Variants in DERPC observed in about 807,000 individuals in gnomAD.
DERPC encodes decreased expression in renal and prostate cancer protein.
Under a neutral mutation model 7.2 loss-of-function variants are expected in DERPC, and 1 was observed. The ratio of observed to expected loss-of-function variants is 0.14; its 90% CI spans 0.05 to 0.66. DERPC has a LOEUF of 0.66. Among genes scored for constraint, DERPC ranks in the 30% least tolerant of loss-of-function variants. DERPC has a pLI of 0.84. For missense variants in DERPC, 502 were observed against 299.4 expected, an observed-to-expected ratio of 1.68 and a Z score of -4.99; for synonymous variants, 185 against 117.6, an observed-to-expected ratio of 1.57 and a Z score of -3.71.
rs564301895 is a variant in DERPC at position 69,130,219 on chromosome 16, T to A, written c.-280+2265A>T. Among the ~76,000 whole-genome samples the A allele has an allele frequency of 1.2e-3, 188 of 152,308 alleles. 1 individual carries two copies. The highest frequency in any genetic ancestry group is 6.8e-3 in the Middle Eastern group (2 of 294). On this transcript the variant is annotated intron_variant, in intron 1 of 2. Coordinates refer to ENST00000519520, the MANE Select transcript of DERPC (RefSeq NM_001002847.4). ...TATGTATCCAATTAAACCGAACATA[T>A]GGCTTATAGCAAAAAAGAGGCTTTG...
chr16:69,129,623 G>A (rs1330623908), intron 1 of DERPC, among the ~76,000 whole-genome samples: 1 of 152,158 alleles, frequency 6.6e-6, no homozygotes, highest in Non-Finnish European at 1.5e-5. Flanking sequence ...GCTTAGAGGA[G>A]CTAAATGTTA....
intron 1 of DERPC, 69 bp downstream of exon 1, chr16:69,132,415 C>T: frequency 6.0e-6 from 1 of 167,742 alleles, no homozygotes. Context: ...CTCCCTCGCG[C>T]CCTCGCCCCC....
chr16:69,126,521 G>A (rs1481455878), intron 1 of DERPC, among the ~76,000 whole-genome samples: 1 of 152,146 alleles, frequency 6.6e-6, no homozygotes, highest in African/African-American at 2.4e-5. Context: ...AAATAGTTCT[G>A]TGGCCCACAG....
intron 1 of DERPC, chr16:69,132,008 G>C (rs1422327465): frequency 6.5e-6 from 1 of 152,774 alleles, no homozygotes; most frequent in South Asian, 2.1e-4. Flanking sequence ...TACTTCCTAG[G>C]TTCCAGTTCT....
chr16:69,126,246 A>C (rs1332791143), intron 1 of DERPC, among the ~76,000 whole-genome samples: 1 of 152,200 alleles, frequency 6.6e-6, no homozygotes, highest in Non-Finnish European at 1.5e-5. Context: ...GACAACCAAA[A>C]TCAATCGTTA....
Position 69,120,168 on chromosome 16 carries a change from C to T in DERPC, c.261G>A (p.Pro87=), listed in dbSNP as rs764735519. The T allele has an allele frequency of 1.3e-5, 9 of 701,502 alleles. No homozygotes were observed. The highest frequency in any genetic ancestry group is 8.9e-5 in the South Asian group (6 of 67,510). 43.5% of individuals were successfully genotyped at this position (701,502 alleles called of 1,614,324 possible). A position where few individuals can be genotyped will look rare whatever the true frequency, so the allele number is the denominator to read the frequency against. Residue 87 remains proline, a synonymous_variant, in exon 3 of 3, where the codon CCG becomes CCA. Coordinates refer to ENST00000519520, the MANE Select transcript of DERPC (RefSeq NM_001002847.4). The surrounding 1 kb of genome is among the most constrained non-coding windows in gnomAD (Gnocchi z 4.0). ...GSLASNPAPF[P]AGARDPSMAS... ...CCATACTTGGGTCACGAGCACCAGC[C>T]GGGAAAGGTGCTGGATTTGAAGCCA...
At chr16:69,125,806 TA>T (rs1289856957) in intron 1 of DERPC, among the ~76,000 whole-genome samples, 1 of 152,240 alleles carries the variant, frequency 6.6e-6, no homozygotes, top group Non-Finnish European at 1.5e-5. Flanking sequence ...CTCCTGCCTG[TA>T]AGTGTGGACC....
chr16:69,129,465 G>C (rs1962338851), intron 1 of DERPC, among the ~76,000 whole-genome samples: 1 of 147,188 alleles, frequency 6.8e-6, no homozygotes, highest in Admixed American at 6.8e-5. Context: ...GAAAAGTAAA[G>C]TCCAGGCAGA....
Position 69,120,681 on chromosome 16 carries a change from T to A in DERPC, c.-221-32A>T. 6.3e-7 allele frequency: 1 copy of A among 1,582,840 alleles called. No homozygotes were observed. The highest frequency in any genetic ancestry group is 1.3e-5 in the African/African-American group (1 of 74,314). ...CAGAACAAGAACGAGATTCCTGAGGTTCCGGGGCAAGGCCATAACACTCAG... is the reference window on the plus strand; with the variant it reads ...CAGAACAAGAACGAGATTCCTGAGGATCCGGGGCAAGGCCATAACACTCAG... On this transcript the variant is annotated intron_variant, in intron 2 of 2. Coordinates refer to ENST00000519520, the MANE Select transcript of DERPC (RefSeq NM_001002847.4). The surrounding 1 kb of genome is among the most constrained non-coding windows in gnomAD (Gnocchi z 4.0).
chr16:69,127,660 A>T (rs1962171199), intron 1 of DERPC, among the ~76,000 whole-genome samples: 1 of 127,568 alleles, frequency 7.8e-6, no homozygotes, highest in Admixed American at 9.9e-5. Flanking sequence ...CCCAGGCTGG[A>T]GTGCAGTGGC....
rs1266881172 is a variant in DERPC, at chr16:69,118,619, T to C, written c.*235A>G. The C allele has an allele frequency of 5.7e-6, 4 of 705,628 alleles. No individual in the cohort carries two copies. Among genetic ancestry groups the C allele is most frequent in the African/African-American group, 5.2e-5 (3 of 57,220 alleles). The allele number at this position is 705,628 out of a possible 1,614,324, so 43.7% of individuals were successfully genotyped here. On this transcript the variant is annotated 3_prime_UTR_variant, in exon 3 of 3. Coordinates refer to ENST00000519520, the MANE Select transcript of DERPC (RefSeq NM_001002847.4). ...AAAGCACAGCAGGCTTCTGGGAGGC[T>C]GGAGATCCTTTCTCTCAAGGGCAGG... is the stretch of plus-strand genomic sequence containing the variant.
chr16:69,132,498 G>A lies in DERPC; in HGVS notation c.-294C>T. The stretch of plus-strand genomic sequence containing the variant: ...CGCGGCCTGACCTGCAATGGCGGCC[G>A]CCGAGCGCGGCGCCGCGCGGCCAAC... On this transcript the variant is annotated 5_prime_UTR_variant, in exon 1 of 3. Transcript: ENST00000519520. 7.5e-6 allele frequency: 2 copies of A among 267,084 alleles called. No individual in the cohort carries two copies. Among genetic ancestry groups the A allele is most frequent in the Admixed American group, 6.0e-5 (1 of 16,782 alleles). 16.5% of individuals were successfully genotyped at this position (267,084 alleles called of 1,614,324 possible).
rs750447211 is a variant in DERPC at position 69,120,351 on chromosome 16, G to C, written c.78C>G (p.Leu26=). 1 of 1,467,496 alleles carries C rather than the reference G, an allele frequency of 6.8e-7. No individual in the cohort carries two copies. The highest frequency in any genetic ancestry group is 9.5e-7 in the Non-Finnish European group (1 of 1,048,590). The allele number at this position is 1,467,496 out of a possible 1,614,324, so 90.9% of individuals were successfully genotyped here. A position where few individuals can be genotyped will look rare whatever the true frequency, so the allele number is the denominator to read the frequency against. Residue 26 remains leucine (L), a synonymous_variant, in exon 3 of 3, where the codon CTC becomes CTG. Transcript: ENST00000519520. This position sits in a 1 kb window ranked among gnomAD's most constrained non-coding sequence, Gnocchi z 4.0. ...CCCCCTGTGGTCCCAGGGAACCGTCGAGCCGTCCTCGAGGTGGCAGCGGAG... is the reference window on the plus strand; with the variant it reads ...CCCCCTGTGGTCCCAGGGAACCGTCCAGCCGTCCTCGAGGTGGCAGCGGAG... ...TRAPLPPRGR[L]DGSLGPQGGP...
intron 1 of DERPC, among the ~76,000 whole-genome samples, chr16:69,124,639 T>C (rs2152269443): frequency 6.6e-6 from 1 of 151,864 alleles, no homozygotes; most frequent in East Asian, 2.0e-4. Context: ...CCTCCCAAAG[T>C]ACTGTGTTTA....
At chr16:69,131,835 G>T (rs1464674189) in intron 1 of DERPC, among the ~76,000 whole-genome samples, 1 of 150,740 alleles carries the variant, frequency 6.6e-6, no homozygotes, top group Admixed American at 6.6e-5. Flanking sequence ...CACCCCACTC[G>T]TCTCTCGGCT....
At chr16:69,130,913 T>A (rs996454181) in intron 1 of DERPC, among the ~76,000 whole-genome samples, 1 of 152,214 alleles carries the variant, frequency 6.6e-6, no homozygotes, top group Non-Finnish European at 1.5e-5. Flanking sequence ...GGGATTAAGT[T>A]CTGGAAGGTA....
intron 2 of DERPC, chr16:69,121,048 CT>C: frequency 6.2e-7 from 1 of 1,611,922 alleles, no homozygotes; most frequent in Non-Finnish European, 8.5e-7. Flanking sequence ...GAAAAGCCCC[CT>C]CACCTCAGTG....
chr16:69,118,392 T>C lies in DERPC; in HGVS notation c.*462A>G. On this transcript the variant is annotated 3_prime_UTR_variant, in exon 3 of 3. Coordinates refer to ENST00000519520, the MANE Select transcript of DERPC (RefSeq NM_001002847.4). ...GGTATGGCAGTAGAGGATGACCAGG[T>C]CCAAGCTGCCCAGGTCAGAGCTACG... 6.2e-7 allele frequency: 1 copy of C among 1,612,794 alleles called. No homozygotes were observed. The highest frequency in any genetic ancestry group is 8.5e-7 in the Non-Finnish European group (1 of 1,178,866).
At chr16:69,129,596 C>A (rs1962347827) in intron 1 of DERPC, among the ~76,000 whole-genome samples, 1 of 152,158 alleles carries the variant, frequency 6.6e-6, no homozygotes, top group African/African-American at 2.4e-5. Flanking sequence ...ACTCCCATTT[C>A]ACAAATGAGG....
Sources: allele counts gnomAD v4.1 joint callset (sites outside exome capture counted in the v4.1 genomes callset), GRCh38; gene constraint gnomAD v4.1.1; non-coding constraint Gnocchi (gnomAD v3.1); transcripts MANE v1.5; gene names NCBI Gene and HGNC (gene_info 2026-07-23, HGNC 2026-07-21).